CALN1: variants seen among roughly 807,000 people sequenced by gnomAD.
CALN1 encodes the protein calneuron 1.
In CALN1, 17 loss-of-function variants were observed where a neutral mutation model predicts 30.6. The observed-to-expected ratio is 0.56, with a 90% CI of 0.38 to 0.83. The LOEUF is 0.83. Ranked by LOEUF, CALN1 falls within the 40% of genes least tolerant of loss-of-function variation. The probability of loss-of-function intolerance (pLI) is 0.00; values close to 1 mark genes in which losing one functional copy is unlikely to be tolerated. For synonymous variants in CALN1, 156 were observed against 131.4 expected (o/e 1.19, Z -1.28); for missense variants, 291 against 354.9 (o/e 0.82, Z 1.45).
At chr7:71,828,005 T>G (rs946854739) in intron 5 of CALN1, among the ~76,000 whole-genome samples, 1 of 152,050 alleles carries the variant, frequency 6.6e-6, no homozygotes, top group Non-Finnish European at 1.5e-5. Flanking sequence ...GTTTCCACAA[T>G]GAATATGTAT....
intron 5 of CALN1, among the ~76,000 whole-genome samples, chr7:71,885,168 T>C (rs1792825454): frequency 6.6e-6 from 1 of 152,226 alleles, no homozygotes; most frequent in Admixed American, 6.5e-5. Flanking sequence ...TTTCTTTTTT[T>C]TGAGACGGAG....
At chr7:72,090,728 A>T (rs1433336153) in intron 4 of CALN1, among the ~76,000 whole-genome samples, 1 of 152,206 alleles carries the variant, frequency 6.6e-6, no homozygotes, top group African/African-American at 2.4e-5. Context: ...ACATTTACAC[A>T]GTGGAATATT....
intron 2 of CALN1, among the ~76,000 whole-genome samples, chr7:72,394,919 A>C (rs559936358): frequency 1.1e-4 from 17 of 152,032 alleles, no homozygotes; most frequent in Non-Finnish European, 2.2e-4. Flanking sequence ...CAGCCTCCCA[A>C]AGTGCTGGGA....
chr7:71,879,144 T>A (rs572605559), intron 5 of CALN1, among the ~76,000 whole-genome samples: 1 of 152,138 alleles, frequency 6.6e-6, no homozygotes, highest in Non-Finnish European at 1.5e-5. Context: ...AAAAACAGAG[T>A]TGCTTTATTC....
intron 2 of CALN1, among the ~76,000 whole-genome samples, chr7:72,349,247 C>T (rs1019206172): frequency 7.4e-5 from 11 of 149,174 alleles, no homozygotes; most frequent in African/African-American, 2.2e-4. Flanking sequence ...ATACCTAAAG[C>T]GAGAGAAAAA....
intron 4 of CALN1, among the ~76,000 whole-genome samples, chr7:72,077,187 G>C (rs1276743259): frequency 6.6e-6 from 1 of 152,156 alleles, no homozygotes; most frequent in Non-Finnish European, 1.5e-5. Context: ...CAAATATTAT[G>C]TATCCATAAA....
intron 1 of CALN1, among the ~76,000 whole-genome samples, chr7:72,438,737 C>T (rs1196451214): frequency 1.3e-5 from 2 of 152,192 alleles, no homozygotes; most frequent in African/African-American, 4.8e-5. Context: ...ATCTCGTTGG[C>T]ATTTAACACT....
At chr7:72,079,848 G>A (rs773631372) in intron 4 of CALN1, among the ~76,000 whole-genome samples, 17 of 139,318 alleles carry the variant, frequency 1.2e-4, no homozygotes, top group Non-Finnish European at 2.4e-4. Flanking sequence ...TCGGCTCACT[G>A]CAGCCTCCAC....
chr7:72,392,989 C>G (rs905483555), intron 2 of CALN1, among the ~76,000 whole-genome samples: 12 of 151,954 alleles, frequency 7.9e-5, no homozygotes, highest in Non-Finnish European at 1.2e-4. Context: ...CACAGCAAGA[C>G]TCTGTCACTT....
intron 5 of CALN1, among the ~76,000 whole-genome samples, chr7:72,018,466 A>C (rs1800525342): frequency 6.6e-6 from 1 of 152,166 alleles, no homozygotes; most frequent in Non-Finnish European, 1.5e-5. Flanking sequence ...AGTAACAAAA[A>C]AACACACAGA....
chr7:72,247,227 CTTTTTTTTTTTTTTTTTTT>C (rs764276435), intron 3 of CALN1, among the ~76,000 whole-genome samples: 16 of 77,672 alleles, frequency 2.1e-4, no homozygotes, highest in African/African-American at 4.4e-4. Flanking sequence ...CATTTTCTTT[CTTTTTTTTTTTTTTTTTTT>C]TTTTTTTTTT....
Position 72,036,656 on chromosome 7 carries a change from A to G in CALN1, c.389-12887T>C, listed in dbSNP as rs114056725. Among the ~76,000 whole-genome samples the G allele has an allele frequency of 4.2e-3, 640 of 152,168 alleles. 5 individuals are homozygous for G. The highest frequency in any genetic ancestry group is 0.015 in the African/African-American group (608 of 41,508). On this transcript the variant is annotated intron_variant, in intron 4 of 6. Coordinates refer to ENST00000395275, the MANE Select transcript of CALN1 (RefSeq NM_031468.4). ...TTCCATTATTATACTTTTTGGCTTT[A>G]GAATTTCTCTTATGTTTCATTTTAG...
chr7:72,392,683 A>C (rs1204812981), intron 2 of CALN1, among the ~76,000 whole-genome samples: 1 of 152,150 alleles, frequency 6.6e-6, no homozygotes, highest in Non-Finnish European at 1.5e-5. Context: ...CCTCAAATTA[A>C]AATTTGGTAC....
intron 2 of CALN1, among the ~76,000 whole-genome samples, chr7:72,282,424 A>G (rs573948022): frequency 1.3e-5 from 2 of 152,204 alleles, no homozygotes; most frequent in Non-Finnish European, 2.9e-5. Context: ...ACTGGAATCT[A>G]AGACTCTAAT....
At chr7:72,350,272 T>C (rs1350713073) in intron 2 of CALN1, among the ~76,000 whole-genome samples, 1 of 152,144 alleles carries the variant, frequency 6.6e-6, no homozygotes, top group Admixed American at 6.5e-5. Flanking sequence ...CACCCAGCAA[T>C]CCACTGGGTA....
At chr7:71,926,204 C>A (rs1795263853) in intron 5 of CALN1, among the ~76,000 whole-genome samples, 1 of 152,194 alleles carries the variant, frequency 6.6e-6, no homozygotes, top group African/African-American at 2.4e-5. Context: ...AGCCTGCACA[C>A]AGCTCCATGT....
At chr7:71,863,038 CT>C (rs61044863) in intron 5 of CALN1, among the ~76,000 whole-genome samples, 62,601 of 151,888 alleles carry the variant, frequency 0.41, 14,942 homozygotes, top group East Asian at 0.67. Flanking sequence ...ATGAGTGGAT[CT>C]ACTTGAGGCT....
chr7:72,444,278 T>C (rs1206589085), intron 1 of CALN1, among the ~76,000 whole-genome samples: 10 of 152,010 alleles, frequency 6.6e-5, no homozygotes, highest in African/African-American at 2.4e-4. Flanking sequence ...AGGGCACTCC[T>C]GGAGTCCGCA....
At chr7:71,872,545 A>G (rs1489779933) in intron 5 of CALN1, among the ~76,000 whole-genome samples, 3 of 152,152 alleles carry the variant, frequency 2.0e-5, no homozygotes, top group African/African-American at 7.2e-5. Flanking sequence ...ATTGTCTACT[A>G]AATGACTGTT....
Sources: allele counts gnomAD v4.1 joint callset (sites outside exome capture counted in the v4.1 genomes callset), GRCh38; gene constraint gnomAD v4.1.1; transcripts MANE v1.5; gene names NCBI Gene and HGNC (gene_info 2026-07-23, HGNC 2026-07-21).